The following SESTD1 variants were observed in gnomAD, a reference collection of about 807,000 sequenced individuals.
SESTD1 encodes the protein SEC14 domain and spectrin repeat-containing protein 1.
SESTD1 carries 43 observed loss-of-function variants against 101.7 expected under a neutral mutation model. The observed-to-expected ratio is 0.42, with a 90% CI of 0.33 to 0.55. SESTD1 has a LOEUF of 0.55. SESTD1 is among the 20% of genes least tolerant of loss of function. SESTD1 has a pLI of 0.07. For synonymous variants in SESTD1, 283 were observed against 286.8 expected (o/e 0.99, Z 0.13); for missense variants, 647 against 815.1 (o/e 0.79, Z 2.51).
chr2:179,263,644 G>GT (rs576261771), intron 1 of SESTD1, among the ~76,000 whole-genome samples: 186 of 152,198 alleles, frequency 1.2e-3, no homozygotes, highest in African/African-American at 4.4e-3. Flanking sequence ...ATGTCTGTGT[G>GT]TAAGAGAAAG....
At chr2:179,249,872 C>A in intron 1 of SESTD1, among the ~76,000 whole-genome samples, 2 of 139,462 alleles carry the variant, frequency 1.4e-5, no homozygotes, top group Admixed American at 7.3e-5. Context: ...GGTGGTAGAG[C>A]AACTGAATAT....
chr2:179,164,785 G>A (rs1476194282), intron 5 of SESTD1, among the ~76,000 whole-genome samples: 1 of 152,144 alleles, frequency 6.6e-6, no homozygotes, highest in South Asian at 2.1e-4. Context: ...AAATCATGTG[G>A]GAACAAGGTG....
At chr2:179,160,508 T>C (rs1048656610) in intron 5 of SESTD1, among the ~76,000 whole-genome samples, 1 of 151,762 alleles carries the variant, frequency 6.6e-6, no homozygotes, top group Non-Finnish European at 1.5e-5. Context: ...TATGGTTCTT[T>C]ATTTTCTGCA....
intron 1 of SESTD1, among the ~76,000 whole-genome samples, chr2:179,258,691 GCACA>G (rs138536083): frequency 3.8e-4 from 58 of 151,346 alleles, no homozygotes; most frequent in African/African-American, 1.3e-3. Context: ...GTGCATGCAT[GCACA>G]CACACACACA....
intron 1 of SESTD1, among the ~76,000 whole-genome samples, chr2:179,197,877 G>T (rs912762014): frequency 6.6e-6 from 1 of 151,810 alleles, no homozygotes; most frequent in African/African-American, 2.4e-5. Flanking sequence ...AAAGACCATC[G>T]AGACTAGGAA....
At chr2:179,151,539 C>A in intron 5 of SESTD1, 148 bp from the exon 6 acceptor site, 1 of 474,312 alleles carries the variant, frequency 2.1e-6, no homozygotes, top group East Asian at 3.5e-5. Flanking sequence ...TATTTAAAAC[C>A]AATTCAATAA....
intron 16 of SESTD1, among the ~76,000 whole-genome samples, chr2:179,114,825 A>C (rs964350448): frequency 1.2e-4 from 18 of 152,240 alleles, no homozygotes; most frequent in Non-Finnish European, 2.5e-4. Flanking sequence ...TGTAAAGAGA[A>C]GAAGACTACC....
chr2:179,241,777 T>A (rs2047157381), intron 1 of SESTD1, among the ~76,000 whole-genome samples: 1 of 151,034 alleles, frequency 6.6e-6, no homozygotes, highest in Admixed American at 6.6e-5. Context: ...AAAAAATTAG[T>A]CAGGCATGGT....
At chr2:179,151,214 TAA>T (rs148589684) in intron 6 of SESTD1, 62 bp downstream of exon 6, 3 of 1,148,564 alleles carry the variant, frequency 2.6e-6, no homozygotes, top group Non-Finnish European at 3.6e-6. Context: ...ACTAAAATGA[TAA>T]AGTTATCAAA....
At chr2:179,232,402 G>A (rs2047000726) in intron 1 of SESTD1, among the ~76,000 whole-genome samples, 1 of 151,836 alleles carries the variant, frequency 6.6e-6, no homozygotes, top group Admixed American at 6.6e-5. Context: ...CAGCTGGGTG[G>A]AGAATTTTAA....
At position 179,108,370 on chromosome 2, in the gene SESTD1, G is replaced by C. The variant is rs1052712771; in HGVS notation, c.*1529C>G. On this transcript the variant is annotated 3_prime_UTR_variant, in exon 18 of 18. Coordinates refer to ENST00000428443, the MANE Select transcript of SESTD1 (RefSeq NM_178123.5). Reference sequence around the variant, plus strand: ...GTTGCTCAATGGTGTAAATGTTGCAGAGAAAAGGGTAAGGGATTCAGACGG... The same window carrying C: ...GTTGCTCAATGGTGTAAATGTTGCACAGAAAAGGGTAAGGGATTCAGACGG... 6 of 152,246 alleles carry C rather than the reference G, an allele frequency of 3.9e-5. No homozygotes were observed. The highest frequency in any genetic ancestry group is 1.5e-5 in the Non-Finnish European group (1 of 68,066). 9.4% of individuals were successfully genotyped at this position (152,246 alleles called of 1,614,324 possible).
intron 9 of SESTD1, among the ~76,000 whole-genome samples, chr2:179,135,227 G>C (rs969653226): frequency 6.6e-6 from 1 of 152,104 alleles, no homozygotes; most frequent in Non-Finnish European, 1.5e-5. Flanking sequence ...ACAGGTGTGA[G>C]CCACCGCCCC....
At chr2:179,123,920 T>C in intron 11 of SESTD1, 91 bp from the exon 12 acceptor site, 6 of 896,856 alleles carry the variant, frequency 6.7e-6, no homozygotes, top group Non-Finnish European at 1.1e-5. Flanking sequence ...AATGAGGTTA[T>C]CACAATTACA....
At chr2:179,189,815 C>A (rs1447299762) in intron 2 of SESTD1, among the ~76,000 whole-genome samples, 1 of 151,922 alleles carries the variant, frequency 6.6e-6, no homozygotes, top group East Asian at 1.9e-4. Flanking sequence ...AACATATTCC[C>A]ATTTATAATG....
In SESTD1 at chr2:179,112,895, C is replaced by T. The variant is rs767179192; in HGVS notation, c.1840-50G>A. 7.7e-6 allele frequency: 12 copies of T among 1,561,444 alleles called. No individual in the cohort carries two copies. In the East Asian group the frequency reaches 1.8e-4, roughly 24 times the overall value. On this transcript the variant is annotated intron_variant, in intron 16 of 17. Coordinates refer to ENST00000428443, the MANE Select transcript of SESTD1 (RefSeq NM_178123.5). ...CAATCAAGAGACACAGACAGGTCTG[C>T]AGTTTCAGAGGATCACCCCACCCCA...
At chr2:179,253,315 G>T (rs973005024) in intron 1 of SESTD1, among the ~76,000 whole-genome samples, 25 of 152,242 alleles carry the variant, frequency 1.6e-4, no homozygotes, top group African/African-American at 5.5e-4. Context: ...TTTCTAGATG[G>T]TTCCTGAAAC....
chr2:179,224,860 A>G (rs1339237350), intron 1 of SESTD1, among the ~76,000 whole-genome samples: 3 of 152,170 alleles, frequency 2.0e-5, no homozygotes, highest in Admixed American at 1.3e-4. Flanking sequence ...TGCCCTGTGT[A>G]TCTCTTCCAT....
At position 179,151,401 on chromosome 2, in the gene SESTD1, G is replaced by A; in HGVS notation, c.370-10C>T. Reference sequence around the variant, plus strand: ...CGGACACTAAAATAACCTATAAAAAGGTTAAAAGAAAAGAAACATTTAGTA... The same window carrying A: ...CGGACACTAAAATAACCTATAAAAAAGTTAAAAGAAAAGAAACATTTAGTA... On this transcript the variant is annotated splice_polypyrimidine_tract_variant and intron_variant, in intron 5 of 17. Transcript: ENST00000428443. 1.9e-6 allele frequency: 3 copies of A among 1,568,092 alleles called. No individual in the cohort carries two copies. Among genetic ancestry groups the A allele is most frequent in the East Asian group, 2.3e-5 (1 of 43,514 alleles).
At chr2:179,177,251 A>G (rs944931131) in intron 3 of SESTD1, among the ~76,000 whole-genome samples, 3 of 152,202 alleles carry the variant, frequency 2.0e-5, no homozygotes, top group Non-Finnish European at 4.4e-5. Flanking sequence ...CTGGAGGGAA[A>G]AACTCCATTC....
Sources: gnomAD v4.1 joint callset for allele counts (sites outside exome capture counted in the v4.1 genomes callset) on GRCh38, gnomAD v4.1.1 for gene constraint, MANE v1.5 for transcripts, NCBI Gene and HGNC (gene_info 2026-07-23, HGNC 2026-07-21) for gene names.